CLASP1: variants seen among roughly 807,000 people sequenced by gnomAD.
CLASP1 encodes cytoplasmic linker associated protein 1.
CLASP1 carries 38 observed loss-of-function variants against 192.3 expected under a neutral mutation model. That is an observed-to-expected ratio of 0.20 (90% CI 0.15 to 0.26). The LOEUF (loss-of-function observed/expected upper bound fraction) is 0.26. CLASP1 is among the 10% of genes least tolerant of loss of function. CLASP1 has a pLI of 1.00. For synonymous variants in CLASP1, 691 were observed against 712.8 expected (o/e 0.97, Z 0.49); for missense variants, 1,433 against 1,932.5 (o/e 0.74, Z 4.85).
intron 2 of CLASP1, among the ~76,000 whole-genome samples, chr2:121,541,791 A>T (rs1418878807): frequency 6.6e-6 from 1 of 152,162 alleles, no homozygotes; most frequent in Non-Finnish European, 1.5e-5. Flanking sequence ...ATAATAATAC[A>T]TTTACCTTAA....
At chr2:121,454,156 C>G (rs543667570) in intron 14 of CLASP1, among the ~76,000 whole-genome samples, 54 of 152,090 alleles carry the variant, frequency 3.6e-4, no homozygotes, top group African/African-American at 1.2e-3. Context: ...CTGCCCACCC[C>G]CCCCTCCAAA....
At chr2:121,593,517 G>C (rs1191674601) in intron 2 of CLASP1, among the ~76,000 whole-genome samples, 1 of 151,570 alleles carries the variant, frequency 6.6e-6, no homozygotes, top group Non-Finnish European at 1.5e-5. Context: ...TACTTGGGAG[G>C]CTGAGGCAGA....
At position 121,431,670 on chromosome 2, in the gene CLASP1, T is replaced by G. The variant is rs1197500695; in HGVS notation, c.1913-1493A>C. ...TAGCTTAAAAAATAAAAACTCTCTT[T>G]GCTAAACCTCTCGTATTCTACTTTC... On this transcript the variant is annotated intron_variant, in intron 19 of 39. Transcript: ENST00000263710. Among the ~76,000 whole-genome samples, 5 of 152,146 alleles carry G rather than the reference T, an allele frequency of 3.3e-5. 1 individual carries two copies. The highest frequency in any genetic ancestry group is 3.3e-4 in the Admixed American group (5 of 15,274).
At chr2:121,481,163 G>A (rs2092567909) in intron 8 of CLASP1, among the ~76,000 whole-genome samples, 1 of 152,144 alleles carries the variant, frequency 6.6e-6, no homozygotes, top group Non-Finnish European at 1.5e-5. Context: ...CATAAGTATG[G>A]GACAAATGGC....
intron 1 of CLASP1, among the ~76,000 whole-genome samples, chr2:121,631,789 G>A (rs1447461851): frequency 6.6e-6 from 1 of 151,816 alleles, no homozygotes; most frequent in Non-Finnish European, 1.5e-5. Flanking sequence ...GGTCACACCT[G>A]TAATCCCAGC....
chr2:121,378,901 A>G (rs2070925296), intron 33 of CLASP1, among the ~76,000 whole-genome samples: 1 of 152,040 alleles, frequency 6.6e-6, no homozygotes, highest in African/African-American at 2.4e-5. Flanking sequence ...ACATTCCCAA[A>G]GTGAGTTTCC....
chr2:121,475,143 A>G (rs920370156), intron 8 of CLASP1, among the ~76,000 whole-genome samples: 5 of 152,218 alleles, frequency 3.3e-5, no homozygotes, highest in African/African-American at 1.2e-4. Context: ...GAAGGAAGTA[A>G]TTCACATTTC....
intron 5 of CLASP1, among the ~76,000 whole-genome samples, chr2:121,526,694 T>A (rs1377898103): frequency 6.6e-6 from 1 of 152,184 alleles, no homozygotes. Flanking sequence ...AAAAATAACA[T>A]AACTTTACAG....
At chr2:121,539,983 G>C (rs971919654) in intron 2 of CLASP1, among the ~76,000 whole-genome samples, 5 of 152,186 alleles carry the variant, frequency 3.3e-5, no homozygotes, top group African/African-American at 1.2e-4. Context: ...TGGTACCACA[G>C]AAACTCTCCT....
chr2:121,634,044 T>G (rs1344854414), intron 1 of CLASP1, among the ~76,000 whole-genome samples: 1 of 150,624 alleles, frequency 6.6e-6, no homozygotes, highest in Non-Finnish European at 1.5e-5. Flanking sequence ...CAGGAGAGTG[T>G]GCACCTGGTT....
chr2:121,423,451 A>G (rs1270887849), intron 22 of CLASP1, among the ~76,000 whole-genome samples: 1 of 152,204 alleles, frequency 6.6e-6, no homozygotes, highest in Non-Finnish European at 1.5e-5. Context: ...TTATTTCCCA[A>G]TTTCAAGAAG....
At chr2:121,396,754 C>T (rs2075344157) in intron 30 of CLASP1, among the ~76,000 whole-genome samples, 1 of 152,202 alleles carries the variant, frequency 6.6e-6, no homozygotes, top group African/African-American at 2.4e-5. Flanking sequence ...TCTATTACGT[C>T]TTATCAAACT....
intron 8 of CLASP1, among the ~76,000 whole-genome samples, chr2:121,474,958 C>T (rs1465598997): frequency 2.0e-5 from 3 of 152,134 alleles, no homozygotes; most frequent in African/African-American, 7.2e-5. Flanking sequence ...GAGCTGAAGG[C>T]CTAATAGCCT....
intron 2 of CLASP1, among the ~76,000 whole-genome samples, chr2:121,558,597 C>A (rs1246071969): frequency 6.6e-6 from 1 of 152,140 alleles, no homozygotes; most frequent in Admixed American, 6.5e-5. Context: ...ATGTAATAAC[C>A]CGCACCACCT....
intron 30 of CLASP1, among the ~76,000 whole-genome samples, chr2:121,393,078 A>G (rs192918354): frequency 5.9e-5 from 9 of 152,244 alleles, no homozygotes; most frequent in South Asian, 2.1e-4. Context: ...TCAGCTTGTT[A>G]TAAGTTTAAA....
chr2:121,412,852 T>A (rs2077946740), intron 23 of CLASP1, among the ~76,000 whole-genome samples: 1 of 152,212 alleles, frequency 6.6e-6, no homozygotes, highest in African/African-American at 2.4e-5. Flanking sequence ...CAAAGTCTGT[T>A]CCATATTCTC....
chr2:121,637,694 T>G (rs2071155597), intron 1 of CLASP1, among the ~76,000 whole-genome samples: 2 of 152,104 alleles, frequency 1.3e-5, no homozygotes, highest in Non-Finnish European at 2.9e-5. Context: ...CAGACCAGCC[T>G]GGCCAACATG....
chr2:121,521,636 A>C (rs1033164502), intron 6 of CLASP1, among the ~76,000 whole-genome samples: 4 of 152,230 alleles, frequency 2.6e-5, no homozygotes, highest in African/African-American at 9.6e-5. Flanking sequence ...CCACTCTGAA[A>C]GGCCTCCCTG....
At chr2:121,459,034 T>C in intron 12 of CLASP1, 59 bp from the exon 13 acceptor site, 1 of 1,314,068 alleles carries the variant, frequency 7.6e-7, no homozygotes. Flanking sequence ...GTGAAGCATA[T>C]AAACCACTTA....
Sources: gnomAD v4.1 joint callset for allele counts (sites outside exome capture counted in the v4.1 genomes callset) on GRCh38, gnomAD v4.1.1 for gene constraint, MANE v1.5 for transcripts, NCBI Gene and HGNC (gene_info 2026-07-23, HGNC 2026-07-21) for gene names.